The following KCNIP4 variants were observed in gnomAD, a reference collection of about 807,000 sequenced individuals.
KCNIP4 encodes the protein Kv channel-interacting protein 4.
KCNIP4 carries 12 observed loss-of-function variants against 34.0 expected under a neutral mutation model. The ratio of observed to expected loss-of-function variants is 0.35; its 90% CI spans 0.23 to 0.57. The LOEUF (loss-of-function observed/expected upper bound fraction) is 0.57, where lower values mean the gene tolerates loss of function less well. KCNIP4 is among the 20% of genes least tolerant of loss of function. KCNIP4 has a pLI of 0.83. For synonymous variants in KCNIP4, 124 were observed against 102.2 expected, an observed-to-expected ratio of 1.21 and a Z score of -1.29; for missense variants, 238 against 311.7, an observed-to-expected ratio of 0.76 and a Z score of 1.78.
At chr4:21,754,289 G>A (rs979435790) in intron 1 of KCNIP4, among the ~76,000 whole-genome samples, 1 of 151,934 alleles carries the variant, frequency 6.6e-6, no homozygotes, top group African/African-American at 2.4e-5. Flanking sequence ...TCTCTACCTT[G>A]CTTTATTTGT....
At chr4:21,417,825 C>G (rs1456748202) in intron 1 of KCNIP4, among the ~76,000 whole-genome samples, 1 of 152,114 alleles carries the variant, frequency 6.6e-6, no homozygotes, top group East Asian at 1.9e-4. Flanking sequence ...GGGACATCAG[C>G]TAGGGTAGGA....
intron 1 of KCNIP4, among the ~76,000 whole-genome samples, chr4:20,981,849 G>T (rs1473293678): frequency 6.6e-6 from 1 of 152,090 alleles, no homozygotes; most frequent in Non-Finnish European, 1.5e-5. Context: ...ACATCTCTAT[G>T]TGTATGTTTG....
At chr4:20,778,403 A>G (rs1019408531) in intron 3 of KCNIP4, among the ~76,000 whole-genome samples, 3 of 152,200 alleles carry the variant, frequency 2.0e-5, no homozygotes, top group African/African-American at 7.2e-5. Flanking sequence ...AAATCAAGCA[A>G]TTCATAGATG....
intron 1 of KCNIP4, among the ~76,000 whole-genome samples, chr4:21,743,723 G>T (rs1372715382): frequency 6.7e-6 from 1 of 150,020 alleles, no homozygotes; most frequent in Non-Finnish European, 1.5e-5. Flanking sequence ...AACTTGAGTG[G>T]TCTAAGAAAA....
chr4:21,241,247 A>G (rs1371127337), intron 1 of KCNIP4, among the ~76,000 whole-genome samples: 2 of 152,226 alleles, frequency 1.3e-5, no homozygotes, highest in African/African-American at 4.8e-5. Flanking sequence ...TCAAAAATTA[A>G]TAGTGGTCAA....
At chr4:21,427,749 C>T (rs1037277200) in intron 1 of KCNIP4, among the ~76,000 whole-genome samples, 1 of 152,176 alleles carries the variant, frequency 6.6e-6, no homozygotes, top group African/African-American at 2.4e-5. Flanking sequence ...GGCATAAGAA[C>T]TGTCCGCGTA....
chr4:21,911,508 C>CT (rs67157154), intron 1 of KCNIP4, among the ~76,000 whole-genome samples: 12 of 37,114 alleles, frequency 3.2e-4, no homozygotes, highest in Admixed American at 8.9e-4. Flanking sequence ...AGGCGCTTGA[C>CT]TTTTTTTTTT....
At chr4:21,446,587 G>C (rs1055317339) in intron 1 of KCNIP4, among the ~76,000 whole-genome samples, 22 of 131,456 alleles carry the variant, frequency 1.7e-4, no homozygotes, top group African/African-American at 6.3e-4. Context: ...AGAACACTTG[G>C]ACACAGGAAG....
In KCNIP4 at chr4:21,540,931, G is replaced by A. The variant is rs368612119; in HGVS notation, c.61+407640C>T. Among the ~76,000 whole-genome samples, 18 of 152,194 alleles carry A rather than the reference G, an allele frequency of 1.2e-4. No homozygotes were observed. The East Asian group carries it at 2.5e-3, about 21-fold the overall frequency. On this transcript the variant is annotated intron_variant, in intron 1 of 8. Transcript: ENST00000382152. ...CACGCCTGTAATCCCAGCACTTTGG[G>A]AGGCCGAGGTGGGTGGATCACCTGA...
At chr4:20,730,263 T>C in intron 8 of KCNIP4, 134 bp from the exon 9 acceptor site, 2 of 1,136,646 alleles carry the variant, frequency 1.8e-6, no homozygotes, top group East Asian at 5.5e-5. Context: ...ATTAAGTGTT[T>C]GCAAATGTAA....
At chr4:20,764,924 C>T (rs1755266451) in intron 3 of KCNIP4, among the ~76,000 whole-genome samples, 1 of 152,152 alleles carries the variant, frequency 6.6e-6, no homozygotes, top group Non-Finnish European at 1.5e-5. Flanking sequence ...CAACTCCATT[C>T]CTTCTTATGC....
chr4:21,404,876 CT>C (rs1560373413), intron 1 of KCNIP4, among the ~76,000 whole-genome samples: 1 of 152,098 alleles, frequency 6.6e-6, no homozygotes, highest in Non-Finnish European at 1.5e-5. Flanking sequence ...ATAACTAAAT[CT>C]TTTTTAATAG....
At chr4:21,273,561 C>G (rs978754188) in intron 1 of KCNIP4, among the ~76,000 whole-genome samples, 1 of 152,168 alleles carries the variant, frequency 6.6e-6, no homozygotes, top group Non-Finnish European at 1.5e-5. Context: ...TCATTATACT[C>G]TTTCCATGAT....
In KCNIP4 at chr4:21,860,689, A is replaced by G. The variant is rs968936957; in HGVS notation, c.61+87882T>C. Among the ~76,000 whole-genome samples, 21 of 151,780 alleles carry G rather than the reference A, an allele frequency of 1.4e-4. No individual in the cohort carries two copies. The South Asian group carries it at 2.5e-3, about 18-fold the overall frequency. ...CTAAAAAAAAAAAATCAGATATAAC[A>G]TTTTGTTTTTAAAGGACATTTAGAG... is the stretch of plus-strand genomic sequence containing the variant. On this transcript the variant is annotated intron_variant, in intron 1 of 8. Transcript: ENST00000382152.
At chr4:21,896,108 A>G (rs971269161) in intron 1 of KCNIP4, among the ~76,000 whole-genome samples, 1 of 152,050 alleles carries the variant, frequency 6.6e-6, no homozygotes, top group Non-Finnish European at 1.5e-5. Flanking sequence ...ACATTGTCTC[A>G]CTTCCTCCTT....
chr4:21,262,645 T>C (rs752473387), intron 1 of KCNIP4, among the ~76,000 whole-genome samples: 39 of 152,144 alleles, frequency 2.6e-4, no homozygotes, highest in Non-Finnish European at 5.0e-4. Flanking sequence ...GACCTATTTT[T>C]TACTTCCCTA....
At chr4:20,742,270 A>G (rs1347911374) in intron 5 of KCNIP4, among the ~76,000 whole-genome samples, 2 of 152,130 alleles carry the variant, frequency 1.3e-5, no homozygotes, top group Non-Finnish European at 2.9e-5. Context: ...ACAACAAAAA[A>G]GAATTTTAGA....
intron 5 of KCNIP4, among the ~76,000 whole-genome samples, chr4:20,739,458 G>C (rs545869302): frequency 1.3e-5 from 2 of 152,318 alleles, no homozygotes; most frequent in African/African-American, 4.8e-5. Context: ...AACAGGGTCT[G>C]GAGTGGACCT....
At position 21,446,710 on chromosome 4, in the gene KCNIP4, A is replaced by C. The variant is rs555725503; in HGVS notation, c.61+501861T>G. On this transcript the variant is annotated intron_variant, in intron 1 of 8. Transcript: ENST00000382152. ...GCACACCAACATGGCACATGTATAC[A>C]TATGTAACAAACCTGCACATTGTGC... is the stretch of plus-strand genomic sequence containing the variant. 5.9e-3 allele frequency among the ~76,000 whole-genome samples: 897 copies of C among 152,018 alleles called. 8 individuals carry two copies. The highest frequency in any genetic ancestry group is 0.021 in the African/African-American group (855 of 41,436).
Sources: gnomAD v4.1 joint callset for allele counts (sites outside exome capture counted in the v4.1 genomes callset) on GRCh38, gnomAD v4.1.1 for gene constraint, MANE v1.5 for transcripts, NCBI Gene and HGNC (gene_info 2026-07-23, HGNC 2026-07-21) for gene names.